Variants in ARHGAP24 observed in about 807,000 individuals in gnomAD.
The protein encoded by ARHGAP24 is Rho GTPase activating protein 24.
In ARHGAP24, 50 loss-of-function variants were observed where a neutral mutation model predicts 76.4. The observed-to-expected ratio is 0.65, with a 90% confidence interval of 0.52 to 0.83. The LOEUF is 0.83. Ranked by LOEUF, ARHGAP24 falls within the 40% of genes least tolerant of loss-of-function variation. The probability of loss-of-function intolerance (pLI) is 0.00; values close to 1 mark genes in which losing one functional copy is unlikely to be tolerated. For missense variants in ARHGAP24, 930 were observed against 914.2 expected, an observed-to-expected ratio of 1.02 and a Z score of -0.22; for synonymous variants, 345 against 323.3, an observed-to-expected ratio of 1.07 and a Z score of -0.72.
At position 85,983,408 on chromosome 4, in the gene ARHGAP24, C is replaced by T. The variant is rs558974508; in HGVS notation, c.928+5717C>T. Among the ~76,000 whole-genome samples, 59 of 152,224 alleles carry T rather than the reference C, an allele frequency of 3.9e-4. 1 individual carries two copies. The highest frequency in any genetic ancestry group is 1.4e-3 in the African/African-American group (59 of 41,546). On this transcript the variant is annotated intron_variant, in intron 8 of 9. Coordinates refer to ENST00000395184, the MANE Select transcript of ARHGAP24 (RefSeq NM_001025616.3). ...TTCCCACCAATAGCATAAAAGTGTT[C>T]CTATTTCTCTGCATCCTTGACAGCA...
intron 3 of ARHGAP24, among the ~76,000 whole-genome samples, chr4:85,874,524 G>T (rs933528327): frequency 6.6e-6 from 1 of 151,660 alleles, no homozygotes; most frequent in African/African-American, 2.4e-5. Flanking sequence ...TATTACTAAG[G>T]CTTTCTCTTT....
intron 3 of ARHGAP24, among the ~76,000 whole-genome samples, chr4:85,747,898 G>A (rs982260121): frequency 9.9e-5 from 15 of 152,140 alleles, no homozygotes; most frequent in African/African-American, 2.9e-4. Context: ...ATTTGGAGGG[G>A]ACAATGTTTT....
chr4:85,817,543 ACAT>A (rs1560649188), intron 3 of ARHGAP24, among the ~76,000 whole-genome samples: 2 of 152,212 alleles, frequency 1.3e-5, no homozygotes, highest in Non-Finnish European at 2.9e-5. Flanking sequence ...TTAGGGGAAG[ACAT>A]CATACAATTT....
chr4:85,896,935 C>A (rs1396284213), intron 3 of ARHGAP24, among the ~76,000 whole-genome samples: 1 of 152,174 alleles, frequency 6.6e-6, no homozygotes, highest in Non-Finnish European at 1.5e-5. Context: ...CAGTCTCTGA[C>A]AAACATGGAG....
rs112777822 is a variant in ARHGAP24 at position 85,596,328 on chromosome 4, G to A, written c.180+25607G>A. ...TTGAAGGTCAAACATGAAGTGGAGA[G>A]TGGGCAGCCAAAGAGATCAGCAGTC... On this transcript the variant is annotated intron_variant, in intron 2 of 9. Coordinates refer to ENST00000395184, the MANE Select transcript of ARHGAP24 (RefSeq NM_001025616.3). 4.6e-3 allele frequency among the ~76,000 whole-genome samples: 699 copies of A among 152,120 alleles called. 7 individuals are homozygous for A. The highest frequency in any genetic ancestry group is 0.016 in the African/African-American group (675 of 41,506).
chr4:85,817,081 T>A (rs886505536), intron 3 of ARHGAP24, among the ~76,000 whole-genome samples: 1 of 152,200 alleles, frequency 6.6e-6, no homozygotes, highest in Admixed American at 6.5e-5. Context: ...GAGAAGTGCC[T>A]ATTCAAGTAG....
At chr4:85,973,145 CA>C (rs2148852229) in intron 6 of ARHGAP24, among the ~76,000 whole-genome samples, 1 of 152,278 alleles carries the variant, frequency 6.6e-6, no homozygotes, top group African/African-American at 2.4e-5. Flanking sequence ...TTTAAATTCC[CA>C]CCAGCAATGA....
At position 85,789,348 on chromosome 4, in the gene ARHGAP24, A is replaced by G. The variant is rs191446424; in HGVS notation, c.268+67376A>G. 3.5e-3 allele frequency among the ~76,000 whole-genome samples: 532 copies of G among 152,184 alleles called. 4 individuals carry two copies. Among genetic ancestry groups the G allele is most frequent in the African/African-American group, 0.012 (501 of 41,516 alleles). ...AGAGAATCAAAGAAAAGGCAATACT[A>G]AACAGATCAGGCAGACTTTTTCTTT... On this transcript the variant is annotated intron_variant, in intron 3 of 9. Coordinates refer to ENST00000395184, the MANE Select transcript of ARHGAP24 (RefSeq NM_001025616.3).
intron 4 of ARHGAP24, among the ~76,000 whole-genome samples, chr4:85,926,533 A>G (rs1736033186): frequency 6.6e-6 from 1 of 152,188 alleles, no homozygotes; most frequent in African/African-American, 2.4e-5. Context: ...TGGGTTTCAG[A>G]TGATATATTA....
chr4:85,997,389 TAG>T (rs879440689), intron 9 of ARHGAP24, among the ~76,000 whole-genome samples: 6,939 of 149,314 alleles, frequency 0.046, 560 homozygotes, highest in African/African-American at 0.16. Context: ...GATAGATAGA[TAG>T]ATAGATAGAT....
chr4:85,651,405 A>G (rs1372448271), intron 2 of ARHGAP24, among the ~76,000 whole-genome samples: 2 of 149,176 alleles, frequency 1.3e-5, no homozygotes, highest in Non-Finnish European at 2.9e-5. Flanking sequence ...GGCAGAACCT[A>G]TTGATGGTTT....
chr4:85,835,487 C>T (rs1467958375), intron 3 of ARHGAP24, among the ~76,000 whole-genome samples: 21 of 140,722 alleles, frequency 1.5e-4, no homozygotes, highest in Admixed American at 8.1e-4. Flanking sequence ...ACCCGGGAGG[C>T]GGAGCTTGCA....
chr4:85,983,017 GGT>G (rs1739767273), intron 8 of ARHGAP24, among the ~76,000 whole-genome samples: 1 of 152,108 alleles, frequency 6.6e-6, no homozygotes, highest in African/African-American at 2.4e-5. Context: ...GAGAACATGG[GGT>G]GGTTGGTTTT....
intron 3 of ARHGAP24, among the ~76,000 whole-genome samples, chr4:85,782,396 C>T (rs1160303495): frequency 1.3e-5 from 2 of 152,144 alleles, no homozygotes; most frequent in African/African-American, 2.4e-5. Context: ...AGGAAGACTT[C>T]GATTTAGAAA....
chr4:85,781,892 C>A (rs976726733), intron 3 of ARHGAP24, among the ~76,000 whole-genome samples: 2 of 151,832 alleles, frequency 1.3e-5, no homozygotes, highest in African/African-American at 4.8e-5. Context: ...AAAAAATTAG[C>A]CAGGCACGGT....
At chr4:85,900,814 C>T (rs1352171525) in intron 3 of ARHGAP24, among the ~76,000 whole-genome samples, 2 of 152,134 alleles carry the variant, frequency 1.3e-5, no homozygotes, top group African/African-American at 2.4e-5. Context: ...GGTGGTTTTG[C>T]GTTGAACACA....
intron 3 of ARHGAP24, among the ~76,000 whole-genome samples, chr4:85,764,464 A>G (rs1178533232): frequency 1.3e-5 from 2 of 152,156 alleles, no homozygotes; most frequent in Non-Finnish European, 2.9e-5. Context: ...CTTTGTAGAG[A>G]TAACCTTTAT....
At chr4:85,515,553 G>C (rs1429769306) in intron 1 of ARHGAP24, among the ~76,000 whole-genome samples, 1 of 151,586 alleles carries the variant, frequency 6.6e-6, no homozygotes, top group Non-Finnish European at 1.5e-5. Context: ...TACACACTCA[G>C]CTGTCTCTCT....
intron 3 of ARHGAP24, among the ~76,000 whole-genome samples, chr4:85,832,020 T>C (rs545870710): frequency 3.4e-4 from 52 of 152,238 alleles, no homozygotes; most frequent in Admixed American, 1.9e-3. Context: ...TAGGAGGTGA[T>C]TGTTATTGAA....
Sources: allele counts gnomAD v4.1 joint callset (sites outside exome capture counted in the v4.1 genomes callset), GRCh38; gene constraint gnomAD v4.1.1; transcripts MANE v1.5; gene names NCBI Gene and HGNC (gene_info 2026-07-23, HGNC 2026-07-21).